Variants in SUMF1 observed in about 807,000 individuals in gnomAD.
SUMF1 encodes the protein formylglycine-generating enzyme.
Under a neutral mutation model 47.6 loss-of-function variants are expected in SUMF1, and 48 were observed. The ratio of observed to expected loss-of-function variants is 1.01; its 90% CI spans 0.80 to 1.28. SUMF1 has a LOEUF of 1.28. Ranked by LOEUF, SUMF1 falls within the 50% of genes most tolerant of loss-of-function variation. SUMF1 has a pLI of 0.00. For missense variants in SUMF1, 571 were observed against 485.4 expected (o/e 1.18, Z -1.66); for synonymous variants, 230 against 192.1 (o/e 1.20, Z -1.63).
chr3:4,279,113 A>C (rs1697478841), intron 8 of SUMF1, among the ~76,000 whole-genome samples: 1 of 152,168 alleles, frequency 6.6e-6, no homozygotes, highest in Non-Finnish European at 1.5e-5. Context: ...GTAGTTTGAG[A>C]AGAATTGCTC....
At chr3:4,256,361 A>G (rs1259990559) in intron 8 of SUMF1, among the ~76,000 whole-genome samples, 4 of 105,806 alleles carry the variant, frequency 3.8e-5, no homozygotes, top group Non-Finnish European at 6.1e-5. Flanking sequence ...AAATTGATAG[A>G]CCACTAGCAA....
intron 8 of SUMF1, among the ~76,000 whole-genome samples, chr3:4,206,127 T>G (rs920101333): frequency 2.6e-5 from 4 of 151,532 alleles, no homozygotes; most frequent in South Asian, 4.2e-4. Context: ...GCTAAGCCAG[T>G]ATCCAAGGTG....
intron 8 of SUMF1, among the ~76,000 whole-genome samples, chr3:4,132,449 G>A (rs1693814674): frequency 6.6e-6 from 1 of 152,060 alleles, no homozygotes; most frequent in Admixed American, 6.6e-5. Flanking sequence ...TTCTCCAGAA[G>A]GCCATGTATG....
At chr3:4,133,033 C>T (rs1166855433) in intron 8 of SUMF1, among the ~76,000 whole-genome samples, 2 of 152,104 alleles carry the variant, frequency 1.3e-5, no homozygotes, top group Non-Finnish European at 2.9e-5. Flanking sequence ...AAAGGGAATA[C>T]AGAATGGGTA....
In SUMF1 at chr3:4,365,768, G is replaced by C. The variant is rs928848738; in HGVS notation, c.1015-3514C>G. On this transcript the variant is annotated intron_variant, in intron 8 of 8. Coordinates refer to ENST00000272902, the MANE Select transcript of SUMF1 (RefSeq NM_182760.4). The stretch of plus-strand genomic sequence containing the variant: ...ATTTGATCCTGTCATTATGATGTTA[G>C]CTGGTGATTTTGCTCGTTAGTTGAT... Among the ~76,000 whole-genome samples, 129 of 149,872 alleles carry C rather than the reference G, an allele frequency of 8.6e-4. 2 individuals carry two copies. The East Asian group carries it at 0.023, about 27-fold the overall frequency.
chr3:4,290,576 C>CT (rs1470720844), intron 8 of SUMF1, among the ~76,000 whole-genome samples: 10 of 152,276 alleles, frequency 6.6e-5, no homozygotes, highest in African/African-American at 2.2e-4. Flanking sequence ...CCCTCCAGGT[C>CT]TTCTGCCCCA....
intron 8 of SUMF1, among the ~76,000 whole-genome samples, chr3:4,096,983 C>T (rs1692919836): frequency 6.6e-6 from 1 of 152,030 alleles, no homozygotes; most frequent in Admixed American, 6.6e-5. Flanking sequence ...TAGCATGGAT[C>T]CAACTAAACA....
intron 8 of SUMF1, among the ~76,000 whole-genome samples, chr3:4,306,063 A>C (rs1262764758): frequency 1.3e-5 from 2 of 152,236 alleles, no homozygotes; most frequent in Non-Finnish European, 2.9e-5. Context: ...TGGGCTGCAA[A>C]GAATACAACA....
At chr3:4,432,074 T>C (rs1286418654) in intron 3 of SUMF1, among the ~76,000 whole-genome samples, 1 of 152,036 alleles carries the variant, frequency 6.6e-6, no homozygotes, top group Non-Finnish European at 1.5e-5. Context: ...TTCCCAGGGA[T>C]CAGATGGAAT....
chr3:4,316,686 T>A, intron 8 of SUMF1: 1 of 1,551,042 alleles, frequency 6.4e-7, no homozygotes, highest in Non-Finnish European at 8.7e-7. Context: ...TGATGAAAAG[T>A]GGATTTTATA....
At chr3:4,377,534 G>A (rs1700367526) in intron 7 of SUMF1, among the ~76,000 whole-genome samples, 1 of 152,154 alleles carries the variant, frequency 6.6e-6, no homozygotes, top group South Asian at 2.1e-4. Context: ...AAGAAGTGTA[G>A]GAAATTAGGC....
chr3:4,316,417 C>A, intron 8 of SUMF1: 1 of 1,587,456 alleles, frequency 6.3e-7, no homozygotes, highest in Middle Eastern at 1.9e-4. Flanking sequence ...AGTGGCCGGC[C>A]ATCAGAAGTT....
At position 4,034,857 on chromosome 3, in the gene SUMF1, G is replaced by T. The variant is rs556595889; in HGVS notation, c.1191+33712C>A. Among the ~76,000 whole-genome samples, 3 of 152,050 alleles carry T rather than the reference G, an allele frequency of 2.0e-5. No homozygotes were observed. In the South Asian group the frequency reaches 6.2e-4, roughly 32 times the overall value. ...ATTCTAGCCAGGGCTCTCCCTCCAG[G>T]ATTTTAGGAAAAGGTATCAGTCAGA... On this transcript the variant is annotated intron_variant and NMD_transcript_variant, in intron 9 of 12. Coordinates refer to the SUMF1 transcript ENST00000448413.
chr3:4,428,612 C>T (rs919311894), intron 3 of SUMF1, among the ~76,000 whole-genome samples: 3 of 152,204 alleles, frequency 2.0e-5, no homozygotes, highest in African/African-American at 7.2e-5. Flanking sequence ...ACTCAGCCTC[C>T]CAAAGTGCTG....
intron 8 of SUMF1, among the ~76,000 whole-genome samples, chr3:4,208,454 G>A (rs1695701265): frequency 7.7e-6 from 1 of 130,324 alleles, no homozygotes; most frequent in Admixed American, 8.3e-5. Context: ...AAAATTTATA[G>A]GACATTCTAG....
intron 8 of SUMF1, among the ~76,000 whole-genome samples, chr3:4,327,616 A>G (rs998029722): frequency 6.6e-6 from 1 of 151,832 alleles, no homozygotes; most frequent in East Asian, 1.9e-4. Flanking sequence ...GGAATCTTAT[A>G]CAATTTTGGA....
chr3:4,091,955 C>T (rs1692797137), intron 8 of SUMF1, among the ~76,000 whole-genome samples: 1 of 151,742 alleles, frequency 6.6e-6, no homozygotes, highest in Non-Finnish European at 1.5e-5. Context: ...AGGACAGCTG[C>T]AATACATTTA....
intron 8 of SUMF1, among the ~76,000 whole-genome samples, chr3:4,226,526 C>T (rs1321895158): frequency 6.6e-6 from 1 of 151,946 alleles, no homozygotes; most frequent in African/African-American, 2.4e-5. Context: ...CCTCGGCCTA[C>T]CAAAGTGCTG....
chr3:4,134,462 C>G (rs1693871636), intron 8 of SUMF1, among the ~76,000 whole-genome samples: 1 of 152,060 alleles, frequency 6.6e-6, no homozygotes, highest in African/African-American at 2.4e-5. Flanking sequence ...GGGACACATT[C>G]AAAGCAGTGT....
Sources: gnomAD v4.1 joint callset for allele counts (sites outside exome capture counted in the v4.1 genomes callset) on GRCh38, gnomAD v4.1.1 for gene constraint, MANE v1.5 for transcripts, NCBI Gene and HGNC (gene_info 2026-07-23, HGNC 2026-07-21) for gene names.